LMBR1: variants seen among roughly 807,000 people sequenced by gnomAD.
LMBR1 encodes limb development membrane protein 1.
LMBR1 carries 52 observed loss-of-function variants against 73.9 expected under a neutral mutation model. That is an observed-to-expected ratio of 0.70 (90% CI 0.56 to 0.89). LMBR1 has a LOEUF of 0.89. Among genes scored for constraint, LMBR1 ranks in the 40% least tolerant of loss-of-function variants. The probability of loss-of-function intolerance (pLI) is 0.00; values close to 1 mark genes in which losing one functional copy is unlikely to be tolerated. For missense variants in LMBR1, 539 were observed against 579.8 expected (o/e 0.93, Z 0.72); for synonymous variants, 215 against 209.4 (o/e 1.03, Z -0.23).
At chr7:156,693,093 A>T (rs1440955261) in intron 15 of LMBR1, among the ~76,000 whole-genome samples, 1 of 152,190 alleles carries the variant, frequency 6.6e-6, no homozygotes, top group Non-Finnish European at 1.5e-5. Context: ...AGAATGAAAA[A>T]AGCATCAATG....
intron 4 of LMBR1, among the ~76,000 whole-genome samples, chr7:156,806,291 T>C (rs916606744): frequency 6.6e-6 from 1 of 152,232 alleles, no homozygotes; most frequent in Non-Finnish European, 1.5e-5. Flanking sequence ...TAACTGCCAG[T>C]ATATAGAAAT....
intron 4 of LMBR1, among the ~76,000 whole-genome samples, chr7:156,809,785 CTT>C (rs1479423175): frequency 2.0e-5 from 3 of 152,134 alleles, no homozygotes; most frequent in Non-Finnish European, 4.4e-5. Flanking sequence ...TAACGTGTCT[CTT>C]TTTGTAGATG....
intron 9 of LMBR1, among the ~76,000 whole-genome samples, chr7:156,750,631 T>C (rs1820703207): frequency 6.6e-6 from 1 of 152,220 alleles, no homozygotes. Flanking sequence ...TTTTCACTTC[T>C]ATGGTAAAAT....
chr7:156,866,118 C>T (rs1446785456), intron 1 of LMBR1, among the ~76,000 whole-genome samples: 1 of 150,788 alleles, frequency 6.6e-6, no homozygotes, highest in Non-Finnish European at 1.5e-5. Flanking sequence ...AACTTTTGTC[C>T]TACAATCAAG....
intron 9 of LMBR1, among the ~76,000 whole-genome samples, chr7:156,755,204 AG>A (rs1176348995): frequency 2.0e-5 from 3 of 152,384 alleles, no homozygotes; most frequent in African/African-American, 7.2e-5. Context: ...TTAGCCATCT[AG>A]CAAGGGTTTC....
chr7:156,813,034 C>T (rs1010051013), intron 4 of LMBR1, among the ~76,000 whole-genome samples: 3 of 152,182 alleles, frequency 2.0e-5, no homozygotes, highest in Non-Finnish European at 4.4e-5. Flanking sequence ...ATCCAGTCCA[C>T]CTTACTCCAC....
intron 10 of LMBR1, among the ~76,000 whole-genome samples, chr7:156,729,953 G>A (rs1412129771): frequency 6.6e-6 from 1 of 152,104 alleles, no homozygotes; most frequent in Non-Finnish European, 1.5e-5. Context: ...AAATTGAGGG[G>A]CCAATATTCT....
chr7:156,765,355 C>T (rs954952343), intron 5 of LMBR1, among the ~76,000 whole-genome samples: 1 of 152,100 alleles, frequency 6.6e-6, no homozygotes, highest in Admixed American at 6.5e-5. Flanking sequence ...AAGCGTCTGG[C>T]ATGTCCCCCG....
At chr7:156,728,031 C>G (rs1281295047) in intron 11 of LMBR1, 24 bp from the exon 12 acceptor site, 2 of 1,574,734 alleles carry the variant, frequency 1.3e-6, no homozygotes, top group Non-Finnish European at 1.7e-6. Context: ...AGCAAACTGT[C>G]AGCTCTCAAG....
intron 16 of LMBR1, 101 bp from the exon 17 acceptor site, chr7:156,684,264 T>C (rs1805549503): frequency 2.1e-6 from 2 of 933,924 alleles, no homozygotes; most frequent in Non-Finnish European, 1.7e-6. Context: ...CTAAGTGTTA[T>C]TTGGAAAGCT....
At chr7:156,840,688 G>A (rs571599197) in intron 1 of LMBR1, among the ~76,000 whole-genome samples, 6 of 151,830 alleles carry the variant, frequency 4.0e-5, no homozygotes, top group South Asian at 2.1e-4. Flanking sequence ...GGCCGGGCGC[G>A]GTGGCTCACT....
At chr7:156,788,372 C>T (rs986908412) in intron 5 of LMBR1, among the ~76,000 whole-genome samples, 5 of 152,156 alleles carry the variant, frequency 3.3e-5, no homozygotes, top group African/African-American at 1.2e-4. Flanking sequence ...GTATGCTCTT[C>T]GTTACCTTGT....
intron 1 of LMBR1, among the ~76,000 whole-genome samples, chr7:156,857,855 C>T (rs1175061965): frequency 1.3e-5 from 2 of 151,906 alleles, no homozygotes; most frequent in East Asian, 1.9e-4. Context: ...AATAACACAT[C>T]ATCAAAGAAG....
At chr7:156,684,197 T>C in intron 16 of LMBR1, 34 bp from the exon 17 acceptor site, 1 of 1,511,770 alleles carries the variant, frequency 6.6e-7, no homozygotes, top group South Asian at 1.1e-5. Flanking sequence ...TGAGAAATGA[T>C]ATATTGCTGA....
chr7:156,775,938 C>T (rs374067248), intron 5 of LMBR1, among the ~76,000 whole-genome samples: 2 of 151,600 alleles, frequency 1.3e-5, no homozygotes, highest in African/African-American at 2.4e-5. Context: ...TAACCTTGGG[C>T]GAATTACTAA....
intron 15 of LMBR1, among the ~76,000 whole-genome samples, chr7:156,693,726 A>G (rs895502988): frequency 3.3e-5 from 5 of 152,194 alleles, no homozygotes. Flanking sequence ...AGAAAAACTA[A>G]TATGAACTCT....
intron 12 of LMBR1, among the ~76,000 whole-genome samples, chr7:156,727,063 T>C (rs541810484): frequency 2.6e-5 from 4 of 152,360 alleles, no homozygotes; most frequent in South Asian, 4.1e-4. Context: ...GTAAAACTTA[T>C]CTTAAATAAG....
chr7:156,835,615 C>T (rs1837476550), intron 2 of LMBR1, among the ~76,000 whole-genome samples: 1 of 150,944 alleles, frequency 6.6e-6, no homozygotes, highest in Admixed American at 6.6e-5. Context: ...GAATCACTTG[C>T]ACCCAGAAGG....
chr7:156,832,612 ACTT>A lies in LMBR1; in HGVS notation c.179+1138_179+1140del, dbSNP rs541178180. 2.7e-4 allele frequency among the ~76,000 whole-genome samples: 41 copies of A among 152,336 alleles called. No individual in the cohort carries two copies. In the South Asian group the frequency reaches 5.2e-3, roughly 19 times the overall value. On this transcript the variant is annotated intron_variant, in intron 3 of 16. Coordinates refer to ENST00000353442, the MANE Select transcript of LMBR1 (RefSeq NM_022458.4). Reference sequence around the variant, plus strand: ...CATCCACAATGCAGCATGTATCAGTACTTCATTTCTTTTACAGCTGAATACTAT... The same window carrying A: ...CATCCACAATGCAGCATGTATCAGTACATTTCTTTTACAGCTGAATACTAT...
Sources: allele counts gnomAD v4.1 joint callset (sites outside exome capture counted in the v4.1 genomes callset), GRCh38; gene constraint gnomAD v4.1.1; transcripts MANE v1.5; gene names NCBI Gene and HGNC (gene_info 2026-07-23, HGNC 2026-07-21).